DIS3L2: variants seen among roughly 807,000 people sequenced by gnomAD.
The protein encoded by DIS3L2 is DIS3 like 3'-5' exoribonuclease 2, also known as DIS3-like exonuclease 2.
In DIS3L2, 34 loss-of-function variants were observed where a neutral mutation model predicts 97.5. That is an observed-to-expected ratio of 0.35 (90% CI 0.27 to 0.46). The LOEUF (loss-of-function observed/expected upper bound fraction) is 0.46. Among genes scored for constraint, DIS3L2 ranks in the 20% least tolerant of loss-of-function variants. The pLI is 1.00. For synonymous variants in DIS3L2, 435 were observed against 445.2 expected (o/e 0.98, Z 0.29); for missense variants, 1,038 against 1,146.0 (o/e 0.91, Z 1.36).
chr2:232,299,283 T>A (rs1694799945), intron 13 of DIS3L2, among the ~76,000 whole-genome samples: 2 of 152,250 alleles, frequency 1.3e-5, no homozygotes, highest in Non-Finnish European at 2.9e-5. Context: ...GTCTGTGGTC[T>A]GCAGTCTGCA....
At chr2:232,093,659 C>A (rs887970115) in intron 6 of DIS3L2, among the ~76,000 whole-genome samples, 5 of 152,096 alleles carry the variant, frequency 3.3e-5, no homozygotes, top group African/African-American at 1.2e-4. Flanking sequence ...CTACATTTTC[C>A]AATTTATTGG....
chr2:231,962,189 A>G lies in DIS3L2; in HGVS notation c.-94+424A>G, dbSNP rs776366250. Among the ~76,000 whole-genome samples the G allele has an allele frequency of 9.9e-5, 15 of 152,232 alleles. No individual in the cohort carries two copies. In the South Asian group the frequency reaches 1.2e-3, roughly 13 times the overall value. On this transcript the variant is annotated intron_variant, in intron 1 of 20. Transcript: ENST00000325385. Reference sequence around the variant, plus strand: ...GGGATGGGGAGCCTCGGGAATCTTGAAGGGCAGCCGCTTAATTATAACATG... The same window carrying G: ...GGGATGGGGAGCCTCGGGAATCTTGGAGGGCAGCCGCTTAATTATAACATG...
chr2:231,973,283 T>TACACAC (rs34093471), intron 1 of DIS3L2, among the ~76,000 whole-genome samples: 16 of 151,240 alleles, frequency 1.1e-4, no homozygotes, highest in Non-Finnish European at 1.6e-4. Flanking sequence ...TACATGTTTA[T>TACACAC]ACACACACAC....
intron 1 of DIS3L2, among the ~76,000 whole-genome samples, chr2:232,014,194 A>C (rs1694289205): frequency 6.6e-6 from 1 of 152,208 alleles, no homozygotes; most frequent in African/African-American, 2.4e-5. Context: ...TATTCCTTAG[A>C]TACAGCTGTT....
In DIS3L2 at chr2:232,334,995, G is replaced by T. The variant is rs569682292; in HGVS notation, c.2394+260G>T. On this transcript the variant is annotated intron_variant, in intron 19 of 20. Coordinates refer to ENST00000325385, the MANE Select transcript of DIS3L2 (RefSeq NM_152383.5). The stretch of plus-strand genomic sequence containing the variant: ...TCCATGGCCAGTACAGCTCGGCAGG[G>T]TGTGCAGGCTTTGGGGACTGTGTTT... 4.1e-3 allele frequency: 1,981 copies of T among 484,192 alleles called. 29 individuals are homozygous for T. The highest frequency in any genetic ancestry group is 0.034 in the African/African-American group (1,764 of 51,288). 30.0% of individuals were successfully genotyped at this position (484,192 alleles called of 1,614,324 possible).
At chr2:231,994,854 C>A (rs1693688016) in intron 1 of DIS3L2, among the ~76,000 whole-genome samples, 1 of 148,384 alleles carries the variant, frequency 6.7e-6, no homozygotes, top group Non-Finnish European at 1.5e-5. Flanking sequence ...ACTCTGTCAC[C>A]CAGGCTGGAG....
At chr2:232,108,623 C>T in intron 6 of DIS3L2, among the ~76,000 whole-genome samples, 1 of 152,154 alleles carries the variant, frequency 6.6e-6, no homozygotes, top group Admixed American at 6.5e-5. Flanking sequence ...TCTTTGTTTG[C>T]ATTGCAGATG....
At chr2:232,146,485 C>T (rs973742718) in intron 8 of DIS3L2, among the ~76,000 whole-genome samples, 6 of 152,162 alleles carry the variant, frequency 3.9e-5, no homozygotes, top group Non-Finnish European at 7.3e-5. Flanking sequence ...CCAGTAAAGT[C>T]AGTGACTGGA....
At chr2:232,126,022 T>C (rs1434303893) in intron 6 of DIS3L2, among the ~76,000 whole-genome samples, 1 of 152,234 alleles carries the variant, frequency 6.6e-6, no homozygotes, top group Non-Finnish European at 1.5e-5. Flanking sequence ...CATTCAGAGA[T>C]TGAACAAGCT....
rs1193786415 is a variant in DIS3L2 at position 232,334,450 on chromosome 2, A to G, written c.2240A>G (p.Lys747Arg). 3.1e-6 allele frequency: 5 copies of G among 1,613,836 alleles called. No homozygotes were observed. The African/African-American group carries it at 4.0e-5, about 13-fold the overall frequency. The change falls in exon 18 of 21, where the codon AAG (lysine) becomes AGG (arginine). Residue 747 changes from lysine to arginine, a missense_variant. Physicochemically the swap from Lys to Arg is conservative, Grantham distance 26. Around this residue, in one of 3 missense-constraint regions of DIS3L2, gnomAD observed 221 missense variants for 246.9 expected, o/e 0.90. Transcript: ENST00000325385. ...DHCNDRRMAS[K>R]RVQELSTSLF... ...TGTAACGACCGCCGCATGGCGTCCAAGCGCGTGCAGGAGCTCAGTACCAGT... is the reference window on the plus strand; with the variant it reads ...TGTAACGACCGCCGCATGGCGTCCAGGCGCGTGCAGGAGCTCAGTACCAGT...
At chr2:232,249,191 C>G in intron 11 of DIS3L2, 48 bp from the exon 12 acceptor site, 1 of 1,595,774 alleles carries the variant, frequency 6.3e-7, no homozygotes, top group Non-Finnish European at 8.6e-7. Context: ...TGGGCTTCTC[C>G]TAAGCGGGTT....
chr2:232,082,876 AAAAG>A (rs1323837661), intron 5 of DIS3L2, among the ~76,000 whole-genome samples: 1 of 152,338 alleles, frequency 6.6e-6, no homozygotes, highest in Admixed American at 6.5e-5. Context: ...GGCAATTTAC[AAAAG>A]AAAGAGGTTA....
intron 9 of DIS3L2, among the ~76,000 whole-genome samples, chr2:232,201,562 A>G (rs1477898001): frequency 6.6e-6 from 1 of 152,258 alleles, no homozygotes; most frequent in African/African-American, 2.4e-5. Flanking sequence ...GGAAACTTTG[A>G]TTAGATCCTG....
chr2:232,109,701 A>G (rs1464527098), intron 6 of DIS3L2, among the ~76,000 whole-genome samples: 3 of 152,160 alleles, frequency 2.0e-5, no homozygotes, highest in African/African-American at 7.2e-5. Context: ...CTTACACTAT[A>G]TACACAAATC....
intron 14 of DIS3L2, among the ~76,000 whole-genome samples, chr2:232,305,962 A>G (rs1370880432): frequency 2.0e-5 from 3 of 152,134 alleles, no homozygotes; most frequent in Non-Finnish European, 4.4e-5. Context: ...CTCAGAAAAA[A>G]AAAAAAAAGA....
intron 8 of DIS3L2, among the ~76,000 whole-genome samples, chr2:232,148,659 A>G (rs1056665164): frequency 2.6e-5 from 4 of 151,682 alleles, no homozygotes; most frequent in Non-Finnish European, 5.9e-5. Context: ...GACTCTTTGG[A>G]CTCAGAGTAT....
chr2:232,213,666 T>G (rs1229271376), intron 10 of DIS3L2, among the ~76,000 whole-genome samples: 2 of 146,486 alleles, frequency 1.4e-5, no homozygotes, highest in South Asian at 2.1e-4. Context: ...CTGTAGTTTT[T>G]TTTTTTTTTT....
intron 5 of DIS3L2, among the ~76,000 whole-genome samples, chr2:232,074,905 T>G (rs1171761412): frequency 1.3e-5 from 2 of 152,152 alleles, no homozygotes; most frequent in Admixed American, 1.3e-4. Flanking sequence ...AGTGAAAGAA[T>G]GGCTAAGGAC....
intron 14 of DIS3L2, among the ~76,000 whole-genome samples, chr2:232,326,669 C>T (rs1695586636): frequency 6.8e-6 from 1 of 147,452 alleles, no homozygotes. Context: ...GTGCCCTTGA[C>T]CTTTGTCTGG....
Sources: gnomAD v4.1 joint callset for allele counts (sites outside exome capture counted in the v4.1 genomes callset) on GRCh38, gnomAD v4.1.1 for gene constraint, gnomAD v4.1.1 regional missense constraint, MANE v1.5 for transcripts, NCBI Gene and HGNC (gene_info 2026-07-23, HGNC 2026-07-21) for gene names.